Variants in GRAMD1A observed in about 807,000 individuals in gnomAD.
The protein encoded by GRAMD1A is protein Aster-A.
In GRAMD1A, 50 loss-of-function variants were observed where a neutral mutation model predicts 92.0. That is an observed-to-expected ratio of 0.54 (90% CI 0.43 to 0.69). GRAMD1A has a LOEUF of 0.69. Among genes scored for constraint, GRAMD1A ranks in the 30% least tolerant of loss-of-function variants. The pLI is 0.00. For synonymous variants in GRAMD1A, 405 were observed against 403.6 expected, an observed-to-expected ratio of 1.00 and a Z score of -0.04; for missense variants, 819 against 978.9, an observed-to-expected ratio of 0.84 and a Z score of 2.18.
rs2016048245 is a variant in GRAMD1A at position 35,021,522 on chromosome 19, A to T, written c.1496A>T (p.Tyr499Phe). 2 of 1,613,914 alleles carry T rather than the reference A, an allele frequency of 1.2e-6. No homozygotes were observed. The highest frequency in any genetic ancestry group is 1.7e-6 in the Non-Finnish European group (2 of 1,179,792). ...ARLRVSSEIR[Y>F]RKQPWSLVKS... ...CCCAGAGTGTCTTCTGAGATCCGCT[A>T]CCGAAAGCAGCCGTGGAGCCTGGTG... Residue 499 changes from tyrosine to phenylalanine, a missense_variant, in exon 14 of 20, where the codon TAC becomes TTC. By Grantham distance (22) the Tyr-to-Phe change is conservative. Transcript: ENST00000317991. The surrounding 1 kb of genome is among the most constrained non-coding windows in gnomAD (Gnocchi z 5.3).
chr19:34,995,922 G>C, upstream of GRAMD1A: 4 of 1,013,796 alleles, frequency 3.9e-6, no homozygotes, highest in Admixed American at 8.5e-5. Context: ...TCTCTTAGTG[G>C]AGCCACGGGG....
chr19:35,023,023 G>A, intron 17 of GRAMD1A, 112 bp downstream of exon 17: 2 of 936,282 alleles, frequency 2.1e-6, no homozygotes, highest in Non-Finnish European at 3.4e-6. Context: ...GCCTGGCATG[G>A]CAGTCAAGGG....
chr19:34,996,597 G>A (rs763324095), upstream of GRAMD1A, among the ~76,000 whole-genome samples: 33 of 152,254 alleles, frequency 2.2e-4, no homozygotes, highest in African/African-American at 7.7e-4. Context: ...ACCTGAGGTC[G>A]ACAGTTCAAG....
At chr19:35,010,255 G>T (rs541200378) in intron 5 of GRAMD1A, 29 bp from the exon 6 acceptor site, 10 of 1,590,534 alleles carry the variant, frequency 6.3e-6, no homozygotes, top group African/African-American at 4.0e-5. Context: ...GCCCCACCCC[G>T]CTCCTATTGA....
intron 9 of GRAMD1A, 152 bp from the exon 10 acceptor site, chr19:35,014,037 G>A: frequency 8.2e-6 from 6 of 728,824 alleles, no homozygotes; most frequent in Non-Finnish European, 1.4e-5. Context: ...CATCTGGGTG[G>A]CCCCAGGCTG....
In GRAMD1A at chr19:35,009,948, C is replaced by T; in HGVS notation, c.301C>T (p.Pro101Ser). ...EDFRKLFSKL[P>S]EAERLIVDYS... ...CTTCCGGAAACTGTTCAGCAAACTC[C>T]CCGAAGCAGAACGCCTCATTGTGGG... Residue 101 changes from proline to serine, a missense_variant, in exon 4 of 20, where the codon CCC (proline) becomes TCC (serine). Transcript: ENST00000317991. The T allele has an allele frequency of 6.2e-7, 1 of 1,611,896 alleles. No individual in the cohort carries two copies.
intron 19 of GRAMD1A, among the ~76,000 whole-genome samples, chr19:35,025,725 T>C (rs2016385313): frequency 6.6e-6 from 1 of 152,104 alleles, no homozygotes; most frequent in African/African-American, 2.4e-5. Context: ...GCAGATGTGT[T>C]ATAGACCCGT....
In GRAMD1A at chr19:35,000,446, C is replaced by CTGCCA. The variant is rs765821426; in HGVS notation, c.-30_-29insCATGC. ...CAGCCCTGCCCTGCCCTGCCCTGCC[C>CTGCCA]TGCGCCCGGGGCGCGCCCACCGCGC... On this transcript the variant is annotated 5_prime_UTR_variant, in exon 1 of 20. The change creates a new upstream start codon in the 5' untranslated region. Coordinates refer to ENST00000317991, the MANE Select transcript of GRAMD1A (RefSeq NM_020895.5). This position sits in a 1 kb window ranked among gnomAD's most constrained non-coding sequence, Gnocchi z 4.9. 8.0e-7 allele frequency: 1 copy of CTGCCA among 1,250,042 alleles called. No homozygotes were observed. The highest frequency in any genetic ancestry group is 1.0e-6 in the Non-Finnish European group (1 of 993,634). The allele number at this position is 1,250,042 out of a possible 1,614,324, so 77.4% of individuals were successfully genotyped here.
At chr19:35,010,243 A>G in intron 5 of GRAMD1A, 41 bp from the exon 6 acceptor site, 1 of 1,581,196 alleles carries the variant, frequency 6.3e-7, no homozygotes, top group Non-Finnish European at 8.7e-7. Context: ...CCCCATGGCC[A>G]GGCCCCACCC....
At chr19:35,010,736 G>C in intron 6 of GRAMD1A, 1 of 523,360 alleles carries the variant, frequency 1.9e-6, no homozygotes, top group Non-Finnish European at 3.4e-6. Flanking sequence ...TCTCACCAGC[G>C]GTCCAACAAG....
chr19:35,005,772 G>A (rs1466929528), intron 1 of GRAMD1A: 2 of 433,440 alleles, frequency 4.6e-6, no homozygotes, highest in Non-Finnish European at 9.4e-6. Flanking sequence ...ACTTGGACCT[G>A]TCATCAGACA....
At chr19:35,008,035 A>G (rs976499220) in intron 1 of GRAMD1A, among the ~76,000 whole-genome samples, 81 of 152,038 alleles carry the variant, frequency 5.3e-4, no homozygotes, top group African/African-American at 1.9e-3. Flanking sequence ...AATTTTAAAA[A>G]TAGGAGGTAT....
chr19:35,026,352 A>T lies in GRAMD1A; in HGVS notation c.*211A>T. The T allele has an allele frequency of 1.7e-6, 1 of 580,030 alleles. No homozygotes were observed. The highest frequency in any genetic ancestry group is 3.1e-6 in the Non-Finnish European group (1 of 324,342). The allele number at this position is 580,030 out of a possible 1,614,324, so 35.9% of individuals were successfully genotyped here. ...CCTCTGGCAGGCCCCCCACTAACTT[A>T]TTTTGCCCGGCTGAGGTTGTGGGGG... On this transcript the variant is annotated 3_prime_UTR_variant, in exon 20 of 20. Coordinates refer to ENST00000317991, the MANE Select transcript of GRAMD1A (RefSeq NM_020895.5).
Position 35,010,348 on chromosome 19 carries a change from A to T in GRAMD1A, c.494A>T (p.Asn165Ile). Residue 165 changes from asparagine to isoleucine, a missense_variant, in exon 6 of 20, where the codon AAC (asparagine) becomes ATC (isoleucine). Physicochemically the swap from Asn to Ile is moderately radical, Grantham distance 149 (BLOSUM62 -3). This residue lies in a region of GRAMD1A where 144 missense variants were observed against 220.3 expected (regional missense o/e 0.65). Coordinates refer to ENST00000317991, the MANE Select transcript of GRAMD1A (RefSeq NM_020895.5). ...GAAAAGACGGCCAAGCTGATCCCCA[A>T]CGCCATCCAGATCTGCACGGAGAGC... ...KKEKTAKLIPNAIQICTESEK... is the reference protein window; with the variant it reads ...KKEKTAKLIPIAIQICTESEK... The T allele has an allele frequency of 6.2e-7, 1 of 1,613,456 alleles. No homozygotes were observed. The highest frequency in any genetic ancestry group is 8.5e-7 in the Non-Finnish European group (1 of 1,179,380).
chr19:35,019,606 C>A, intron 13 of GRAMD1A, 73 bp downstream of exon 13: 2 of 1,430,008 alleles, frequency 1.4e-6, no homozygotes, highest in Non-Finnish European at 2.0e-6. Flanking sequence ...CTCAAGTCAG[C>A]AGCAGAGCCT....
intron 16 of GRAMD1A, among the ~76,000 whole-genome samples, chr19:35,022,570 A>G (rs1289396797): frequency 1.5e-5 from 2 of 131,474 alleles, no homozygotes; most frequent in Admixed American, 1.5e-4. Context: ...CAGAGGGGGC[A>G]GTCAGGATGG....
chr19:35,017,088 T>C (rs979127466), intron 11 of GRAMD1A, among the ~76,000 whole-genome samples: 2 of 151,488 alleles, frequency 1.3e-5, no homozygotes, highest in Admixed American at 1.3e-4. Flanking sequence ...GGTGAGAGAA[T>C]TGCTTGAACC....
intron 7 of GRAMD1A, 104 bp downstream of exon 7, chr19:35,011,658 C>T: frequency 1.3e-6 from 1 of 784,090 alleles, no homozygotes; most frequent in South Asian, 1.5e-5. Context: ...GGCTCTTCTC[C>T]ATGGGCACCA....
chr19:35,024,371 C>T (rs778550699), intron 19 of GRAMD1A, among the ~76,000 whole-genome samples: 18 of 152,104 alleles, frequency 1.2e-4, no homozygotes, highest in Middle Eastern at 3.4e-3. Flanking sequence ...TGTCATCACA[C>T]GACAATTCCC....
Sources: gnomAD v4.1 joint callset for allele counts (sites outside exome capture counted in the v4.1 genomes callset) on GRCh38, gnomAD v4.1.1 for gene constraint, gnomAD v4.1.1 regional missense constraint, Gnocchi (gnomAD v3.1) non-coding constraint, MANE v1.5 for transcripts, NCBI Gene and HGNC (gene_info 2026-07-23, HGNC 2026-07-21) for gene names.